Variants in POLR2F observed in about 807,000 individuals in gnomAD.
POLR2F encodes RNA polymerase II, I and III subunit F, also known as DNA-directed RNA polymerases I, II, and III subunit RPABC2.
POLR2F carries 12 observed loss-of-function variants against 22.7 expected under a neutral mutation model. That is an observed-to-expected ratio of 0.53 (90% confidence interval 0.34 to 0.86). POLR2F has a LOEUF of 0.86. Ranked by LOEUF, POLR2F falls within the 40% of genes least tolerant of loss-of-function variation. The pLI, the probability that POLR2F is intolerant of heterozygous loss-of-function variation, is 0.02. For synonymous variants in POLR2F, 57 were observed against 66.0 expected (o/e 0.86, Z 0.66); for missense variants, 126 against 171.5 (o/e 0.73, Z 1.48).
chr22:37,987,048 C>T (rs1932602784), intron 1 of POLR2F: 1 of 456,722 alleles, frequency 2.2e-6, no homozygotes, highest in African/African-American at 2.0e-5. Flanking sequence ...ATGCTTGTGA[C>T]CTCCTTACCC....
intron 3 of POLR2F, among the ~76,000 whole-genome samples, chr22:37,961,699 G>A (rs1931646433): frequency 6.6e-6 from 1 of 152,176 alleles, no homozygotes; most frequent in African/African-American, 2.4e-5. Context: ...CTTTCAAAGA[G>A]GCTGGGCCAC....
chr22:38,028,487 T>C (rs1233340508), downstream of POLR2F, among the ~76,000 whole-genome samples: 1 of 151,870 alleles, frequency 6.6e-6, no homozygotes, highest in Admixed American at 6.6e-5. Flanking sequence ...CATCTGTGTG[T>C]GCGTGTGTGT....
intron 1 of POLR2F, among the ~76,000 whole-genome samples, chr22:38,019,358 AG>A (rs1402960834): frequency 6.6e-6 from 1 of 152,100 alleles, no homozygotes; most frequent in Non-Finnish European, 1.5e-5. Flanking sequence ...GGCAACCATC[AG>A]CTGAGAGCCC....
At chr22:38,012,743 C>G (rs2084882381) in intron 1 of POLR2F, among the ~76,000 whole-genome samples, 4 of 152,218 alleles carry the variant, frequency 2.6e-5, no homozygotes, top group Admixed American at 2.6e-4. Flanking sequence ...GCGTACAAGT[C>G]AGGCATTTTG....
chr22:37,956,081 G>A (rs1161064319), intron 1 of POLR2F, among the ~76,000 whole-genome samples: 6 of 149,416 alleles, frequency 4.0e-5, no homozygotes, highest in Non-Finnish European at 7.4e-5. Flanking sequence ...TTTGTTTTTT[G>A]TTTTGCGGTG....
chr22:37,968,006 C>T lies in POLR2F; in HGVS notation c.*291C>T, dbSNP rs1931926377. On this transcript the variant is annotated 3_prime_UTR_variant, in exon 5 of 5. Coordinates refer to ENST00000442738, the MANE Select transcript of POLR2F (RefSeq NM_021974.5). ...AGCAAAGGCTGCTGCAGGGGAGACA[C>T]CTCAGCTGCCTTCCAAGCAGACAGA... The T allele has an allele frequency of 9.4e-7, 1 of 1,062,278 alleles. No individual in the cohort carries two copies. Among genetic ancestry groups the T allele is most frequent in the Non-Finnish European group, 1.1e-6 (1 of 878,096 alleles). 65.8% of individuals were successfully genotyped at this position (1,062,278 alleles called of 1,614,324 possible).
At chr22:37,967,519 G>A in intron 4 of POLR2F, 106 bp from the exon 5 acceptor site, 1 of 1,523,864 alleles carries the variant, frequency 6.6e-7, no homozygotes, top group Non-Finnish European at 8.8e-7. Context: ...CCAAGAGGCT[G>A]CTCCTAAGAC....
At chr22:38,013,494 A>G (rs984909271) in intron 1 of POLR2F, among the ~76,000 whole-genome samples, 2 of 152,216 alleles carry the variant, frequency 1.3e-5, no homozygotes, top group Admixed American at 1.3e-4. Flanking sequence ...ATCATTGTCT[A>G]TAGCATATTT....
downstream of POLR2F, among the ~76,000 whole-genome samples, chr22:38,028,340 G>A (rs2085033460): frequency 6.6e-6 from 1 of 152,022 alleles, no homozygotes; most frequent in South Asian, 2.1e-4. Flanking sequence ...TAAGGGATTG[G>A]GAGCCCCTTC....
In POLR2F at chr22:37,986,426, G is replaced by A. The variant is rs1175275358; in HGVS notation, c.120+114G>A. On this transcript the variant is annotated intron_variant, in intron 1 of 2. Transcript: ENST00000333418. The surrounding 1 kb of genome is among the most constrained non-coding windows in gnomAD (Gnocchi z 4.7). ...AGACCCGCCTGGGGCAGGAGGGGTG[G>A]TTGTGGAAGGAAAGAGCCCAGAGTT... 1 of 1,531,888 alleles carries A rather than the reference G, an allele frequency of 6.5e-7. No homozygotes were observed. Among genetic ancestry groups the A allele is most frequent in the East Asian group, 2.4e-5 (1 of 40,896 alleles). 94.9% of individuals were successfully genotyped at this position (1,531,888 alleles called of 1,614,324 possible).
At chr22:37,983,647 C>T, upstream of POLR2F, 1 of 1,596,648 alleles carries the variant, frequency 6.3e-7, no homozygotes, top group East Asian at 2.3e-5. This position sits in a 1 kb window ranked among gnomAD's most constrained non-coding sequence, Gnocchi z 9.5. Flanking sequence ...CGCCTGGCCC[C>T]GGGCTGGCTC....
intron 4 of POLR2F, among the ~76,000 whole-genome samples, chr22:37,975,856 C>T (rs1270446462): frequency 6.6e-6 from 1 of 152,110 alleles, no homozygotes; most frequent in Non-Finnish European, 1.5e-5. Context: ...GGAGACCTGA[C>T]TGGATGGGAT....
At chr22:37,990,448 C>T (rs1932702160) in intron 1 of POLR2F, among the ~76,000 whole-genome samples, 1 of 152,272 alleles carries the variant, frequency 6.6e-6, no homozygotes, top group Non-Finnish European at 1.5e-5. Flanking sequence ...CTGCCCATTC[C>T]TGCCATCTGT....
At position 37,978,112 on chromosome 22, in the gene POLR2F, C is replaced by T. The variant is rs1373797370; in HGVS notation, c.293+10942C>T. On this transcript the variant is annotated intron_variant, in intron 4 of 4. Transcript: ENST00000405557. The surrounding 1 kb of genome is among the most constrained non-coding windows in gnomAD (Gnocchi z 5.0). ...CCGCTCAGCCTCCTCGATGAAGGGG[C>T]GCTTGTCACTTTCGTTCAGCAGCCT... 5 of 1,580,646 alleles carry T rather than the reference C, an allele frequency of 3.2e-6. No homozygotes were observed. The highest frequency in any genetic ancestry group is 1.7e-5 in the Admixed American group (1 of 57,908).
downstream of POLR2F, chr22:37,971,109 G>A: frequency 2.5e-6 from 1 of 396,634 alleles, no homozygotes; most frequent in East Asian, 7.3e-5. Context: ...GGAAGGAAGG[G>A]AGCTGAGGAT....
chr22:38,026,439 A>G, exon 3 of POLR2F: 1 of 418,514 alleles, frequency 2.4e-6, no homozygotes, highest in Non-Finnish European at 5.0e-6. Context: ...CCTCTATAAC[A>G]CCAGGGGCTG....
At chr22:38,041,505 G>T, downstream of POLR2F, 1 of 242,106 alleles carries the variant, frequency 4.1e-6, no homozygotes, top group Non-Finnish European at 8.2e-6. Context: ...CCAAGGTCAA[G>T]TAATAACGAC....
At chr22:38,025,834 T>C in intron 1 of POLR2F, 1 of 1,302,192 alleles carries the variant, frequency 7.7e-7, no homozygotes, top group South Asian at 1.2e-5. Flanking sequence ...TTCCTATGTA[T>C]GAAACTCACT....
Position 38,016,687 on chromosome 22 carries a change from C to T in POLR2F, c.121-9182C>T, listed in dbSNP as rs914838177. ...TTTATGAGCAGGGCTCCTTTGGCAGCGGTTCCAGCCCTGGGCGGGTGGAAA... is the reference window on the plus strand; with the variant it reads ...TTTATGAGCAGGGCTCCTTTGGCAGTGGTTCCAGCCCTGGGCGGGTGGAAA... On this transcript the variant is annotated intron_variant, in intron 1 of 2. Coordinates refer to the POLR2F transcript ENST00000333418. The surrounding 1 kb of genome is among the most constrained non-coding windows in gnomAD (Gnocchi z 4.4). Among the ~76,000 whole-genome samples, 69 of 135,372 alleles carry T rather than the reference C, an allele frequency of 5.1e-4. 2 individuals are homozygous for T. The highest frequency in any genetic ancestry group is 4.5e-4 in the Admixed American group (6 of 13,446). 88.8% of individuals were successfully genotyped at this position (135,372 alleles called of 152,430 possible).
Sources: gnomAD v4.1 joint callset for allele counts (sites outside exome capture counted in the v4.1 genomes callset) on GRCh38, gnomAD v4.1.1 for gene constraint, Gnocchi (gnomAD v3.1) non-coding constraint, MANE v1.5 for transcripts, NCBI Gene and HGNC (gene_info 2026-07-23, HGNC 2026-07-21) for gene names.